MAPKAP1: variants seen among roughly 807,000 people sequenced by gnomAD.
MAPKAP1 encodes the protein MAPK associated protein 1, also known as target of rapamycin complex 2 subunit MAPKAP1.
MAPKAP1 carries 20 observed loss-of-function variants against 65.7 expected under a neutral mutation model. That is an observed-to-expected ratio of 0.30 (90% CI 0.21 to 0.44). MAPKAP1 has a LOEUF of 0.44. MAPKAP1 is among the 20% of genes least tolerant of loss of function. The pLI is 1.00. For synonymous variants in MAPKAP1, 222 were observed against 244.3 expected, an observed-to-expected ratio of 0.91 and a Z score of 0.85; for missense variants, 423 against 648.0, an observed-to-expected ratio of 0.65 and a Z score of 3.77.
intron 4 of MAPKAP1, among the ~76,000 whole-genome samples, chr9:125,655,231 A>T (rs1224507480): frequency 6.6e-6 from 1 of 152,208 alleles, no homozygotes; most frequent in East Asian, 1.9e-4. Context: ...CATTTCTTAA[A>T]TATGAGCCGA....
chr9:125,699,558 G>A (rs776641149), intron 1 of MAPKAP1, among the ~76,000 whole-genome samples: 5 of 152,042 alleles, frequency 3.3e-5, no homozygotes, highest in Admixed American at 6.6e-5. Flanking sequence ...CCTGTCACAT[G>A]AGGTCAGGCA....
chr9:125,649,798 CA>C (rs35503728), intron 4 of MAPKAP1, among the ~76,000 whole-genome samples: 23,191 of 76,156 alleles, frequency 0.3, 1,640 homozygotes, highest in Non-Finnish European at 0.36. Flanking sequence ...AACTCCGTCT[CA>C]AAAAAAAAAA....
rs561007806 is a variant in MAPKAP1, at chr9:125,595,288, A to G, written c.499-9561T>C. 2.7e-4 allele frequency among the ~76,000 whole-genome samples: 41 copies of G among 152,336 alleles called. No homozygotes were observed. Among genetic ancestry groups the G allele is most frequent in the South Asian group, 1.2e-3 (6 of 4,822 alleles). On this transcript the variant is annotated intron_variant, in intron 4 of 11. Coordinates refer to ENST00000265960, the MANE Select transcript of MAPKAP1 (RefSeq NM_001006617.3). The surrounding 1 kb of genome is among the most constrained non-coding windows in gnomAD (Gnocchi z 4.0). Reference sequence around the variant, plus strand: ...TTATGAAATATCAATACTATGAACCAAAGGTTACCCAATTAATAATTAGCT... The same window carrying G: ...TTATGAAATATCAATACTATGAACCGAAGGTTACCCAATTAATAATTAGCT...
At chr9:125,570,048 A>C (rs1235716113) in intron 5 of MAPKAP1, among the ~76,000 whole-genome samples, 1 of 152,240 alleles carries the variant, frequency 6.6e-6, no homozygotes, top group Non-Finnish European at 1.5e-5. Flanking sequence ...TTAACTTTTA[A>C]AAATTGTTTA....
At chr9:125,634,879 T>C (rs901727654) in intron 4 of MAPKAP1, among the ~76,000 whole-genome samples, 1 of 152,092 alleles carries the variant, frequency 6.6e-6, no homozygotes, top group Non-Finnish European at 1.5e-5. Flanking sequence ...TTTTTTCAGG[T>C]GAAGACTCTC....
At chr9:125,583,226 GC>G (rs1290509023) in intron 5 of MAPKAP1, among the ~76,000 whole-genome samples, 1 of 152,184 alleles carries the variant, frequency 6.6e-6, no homozygotes, top group Non-Finnish European at 1.5e-5. Flanking sequence ...CTGTTGGAAT[GC>G]CCTCCTCTCA....
At chr9:125,687,232 CTAATAT>C (rs1564617175) in intron 1 of MAPKAP1, among the ~76,000 whole-genome samples, 1 of 150,386 alleles carries the variant, frequency 6.6e-6, no homozygotes, top group Non-Finnish European at 1.5e-5. Flanking sequence ...ATAAAAGAAA[CTAATAT>C]TAACAGAAAA....
At chr9:125,553,021 A>G (rs2133196249) in intron 6 of MAPKAP1, among the ~76,000 whole-genome samples, 1 of 152,314 alleles carries the variant, frequency 6.6e-6, no homozygotes, top group Middle Eastern at 3.4e-3. Flanking sequence ...TGTGCTTTTC[A>G]TTGAACTAAA....
Position 125,522,371 on chromosome 9 carries a change from T to C in MAPKAP1, c.959-15954A>G, listed in dbSNP as rs563348994. Among the ~76,000 whole-genome samples the C allele has an allele frequency of 4.6e-5, 7 of 152,366 alleles. No individual in the cohort carries two copies. In the East Asian group the frequency reaches 1.3e-3, roughly 29 times the overall value. Reference sequence around the variant, plus strand: ...CGATTCACCCAATGAATTAAATCAGTTGGTTCATCAAACTGTACTAAACTC... The same window carrying C: ...CGATTCACCCAATGAATTAAATCAGCTGGTTCATCAAACTGTACTAAACTC... On this transcript the variant is annotated intron_variant, in intron 7 of 11. Transcript: ENST00000265960.
At chr9:125,519,382 T>C (rs1829554233) in intron 7 of MAPKAP1, among the ~76,000 whole-genome samples, 1 of 152,030 alleles carries the variant, frequency 6.6e-6, no homozygotes, top group South Asian at 2.1e-4. Flanking sequence ...GTGCCTGTAA[T>C]CCCAGCACTT....
chr9:125,540,917 A>T (rs1300650671), intron 7 of MAPKAP1, among the ~76,000 whole-genome samples: 1 of 152,228 alleles, frequency 6.6e-6, no homozygotes, highest in Non-Finnish European at 1.5e-5. Flanking sequence ...CACAAGATGT[A>T]CCCTGCCTTT....
intron 4 of MAPKAP1, among the ~76,000 whole-genome samples, chr9:125,652,976 A>AAAG (rs1463473366): frequency 2.6e-5 from 4 of 152,330 alleles, no homozygotes; most frequent in Non-Finnish European, 4.4e-5. Context: ...AGTACGTGGG[A>AAAG]AAGACATCGT....
chr9:125,593,036 C>A (rs1832017179), intron 4 of MAPKAP1, among the ~76,000 whole-genome samples: 1 of 150,742 alleles, frequency 6.6e-6, no homozygotes, highest in African/African-American at 2.4e-5. Context: ...GTGGCTCACA[C>A]CTACAATCCC....
chr9:125,650,819 C>G (rs538470594), intron 4 of MAPKAP1, among the ~76,000 whole-genome samples: 50 of 152,278 alleles, frequency 3.3e-4, no homozygotes, highest in African/African-American at 1.1e-3. Context: ...TGTTGTGATT[C>G]CTATTTAACT....
chr9:125,460,143 C>A (rs982030174), intron 10 of MAPKAP1, among the ~76,000 whole-genome samples: 2 of 151,926 alleles, frequency 1.3e-5, no homozygotes, highest in African/African-American at 4.8e-5. Context: ...ATATTAAAAT[C>A]AAGAAAGAAT....
chr9:125,672,646 A>G lies in MAPKAP1; in HGVS notation c.-69-3T>C. On this transcript the variant is annotated splice_polypyrimidine_tract_variant and splice_region_variant and intron_variant, in intron 1 of 11. Transcript: ENST00000265960. ...TATTGTTTCACGAGCTCACCTACCT[A>G]GAAACATGATGTACACAGCAAATAT... is the stretch of plus-strand genomic sequence containing the variant. The G allele has an allele frequency of 2.6e-6, 4 of 1,521,464 alleles. No homozygotes were observed. Among genetic ancestry groups the G allele is most frequent in the African/African-American group, 2.7e-5 (2 of 73,162 alleles). The allele number at this position is 1,521,464 out of a possible 1,614,324, so 94.2% of individuals were successfully genotyped here.
At chr9:125,675,802 GATAAGTCAT>G (rs1201732803) in intron 1 of MAPKAP1, among the ~76,000 whole-genome samples, 1 of 152,156 alleles carries the variant, frequency 6.6e-6, no homozygotes, top group African/African-American at 2.4e-5. Context: ...TTGTTGTAGA[GATAAGTCAT>G]ATATGAATGT....
chr9:125,666,728 G>C (rs1473494917), intron 3 of MAPKAP1, among the ~76,000 whole-genome samples: 1 of 152,168 alleles, frequency 6.6e-6, no homozygotes, highest in Non-Finnish European at 1.5e-5. Context: ...TACGTTTGTG[G>C]GAGATGTATA....
intron 1 of MAPKAP1, among the ~76,000 whole-genome samples, chr9:125,698,070 A>G (rs183380485): frequency 3.3e-5 from 5 of 151,690 alleles, no homozygotes; most frequent in African/African-American, 1.2e-4. Context: ...CTCCAAAAAA[A>G]AAGTAATAGT....
Sources: gnomAD v4.1 joint callset for allele counts (sites outside exome capture counted in the v4.1 genomes callset) on GRCh38, gnomAD v4.1.1 for gene constraint, Gnocchi (gnomAD v3.1) non-coding constraint, MANE v1.5 for transcripts, NCBI Gene and HGNC (gene_info 2026-07-23, HGNC 2026-07-21) for gene names.